Variants in CNN3 observed in about 807,000 individuals in gnomAD.
The protein encoded by CNN3 is calponin 3.
A neutral mutation model predicts 39.0 loss-of-function variants in CNN3; 11 were observed. The observed-to-expected ratio is 0.28, with a 90% CI of 0.18 to 0.47. CNN3 has a LOEUF of 0.47. CNN3 is among the 20% of genes least tolerant of loss of function. The pLI, the probability that CNN3 is intolerant of heterozygous loss-of-function variation, is 0.99. For missense variants in CNN3, 266 were observed against 403.4 expected, an observed-to-expected ratio of 0.66 and a Z score of 2.92; for synonymous variants, 101 against 138.3, an observed-to-expected ratio of 0.73 and a Z score of 1.89.
At chr1:94,925,899 T>C (rs1671563820) in intron 1 of CNN3, 5 of 844,970 alleles carry the variant, frequency 5.9e-6, no homozygotes, top group South Asian at 5.4e-5. Flanking sequence ...CCTGATGTCA[T>C]GGGCTTGGAA....
intron 1 of CNN3, chr1:94,925,669 C>A: frequency 2.0e-6 from 2 of 985,522 alleles, no homozygotes; most frequent in Non-Finnish European, 2.4e-6. Flanking sequence ...CCTACCCCCG[C>A]AGCCCCGGGA....
chr1:94,907,310 G>GT lies in CNN3; in HGVS notation c.58-3787dup, dbSNP rs554062513. Among the ~76,000 whole-genome samples the GT allele has an allele frequency of 3.1e-3, 471 of 152,286 alleles. 6 individuals are homozygous for GT. Among genetic ancestry groups the GT allele is most frequent in the African/African-American group, 0.01 (434 of 41,558 alleles). On this transcript the variant is annotated intron_variant, in intron 1 of 6. Coordinates refer to ENST00000370206, the MANE Select transcript of CNN3 (RefSeq NM_001839.5). ...TCCAAATACTTCGAATATTTTTCTA[G>GT]TAAGTGAGCTTTATGCAGTCAGGCC...
chr1:94,926,986 G>A lies in CNN3; in HGVS notation c.-92C>T. 1.4e-6 allele frequency: 2 copies of A among 1,405,232 alleles called. No homozygotes were observed. Among genetic ancestry groups the A allele is most frequent in the Admixed American group, 1.9e-5 (1 of 51,348 alleles). The allele number at this position is 1,405,232 out of a possible 1,614,324, so 87.0% of individuals were successfully genotyped here. On this transcript the variant is annotated 5_prime_UTR_variant, in exon 1 of 7. Transcript: ENST00000370206. This position sits in a 1 kb window ranked among gnomAD's most constrained non-coding sequence, Gnocchi z 4.2. Reference sequence around the variant, plus strand: ...CCTGGCCCCGAGGAGTGGCCGCCGCGGGGGATGCTCGAACTCCCTCCTCTG... The same window carrying A: ...CCTGGCCCCGAGGAGTGGCCGCCGCAGGGGATGCTCGAACTCCCTCCTCTG...
chr1:94,908,391 C>T (rs1671070069), intron 1 of CNN3, among the ~76,000 whole-genome samples: 1 of 152,216 alleles, frequency 6.6e-6, no homozygotes, highest in African/African-American at 2.4e-5. Flanking sequence ...GCCCTTAGAG[C>T]TTCCCTTGGC....
At chr1:94,924,928 T>A (rs963298629) in intron 1 of CNN3, among the ~76,000 whole-genome samples, 1 of 152,212 alleles carries the variant, frequency 6.6e-6, no homozygotes, top group Admixed American at 6.5e-5. Context: ...AAAATGGGTT[T>A]GGTGCTTAAA....
Position 94,917,582 on chromosome 1 carries a change from T to C in CNN3, c.57+9256A>G, listed in dbSNP as rs542922208. Among the ~76,000 whole-genome samples the C allele has an allele frequency of 5.9e-5, 9 of 152,308 alleles. No homozygotes were observed. The South Asian group carries it at 1.9e-3, about 32-fold the overall frequency. On this transcript the variant is annotated intron_variant, in intron 1 of 6. Coordinates refer to ENST00000370206, the MANE Select transcript of CNN3 (RefSeq NM_001839.5). ...GAACTAATTTTTTTGGAGAGCAATT[T>C]GGCAATATCAAAATACATTTAAATG...
At chr1:94,902,040 A>C (rs1186876994) in intron 4 of CNN3, 81 bp downstream of exon 4, 1 of 1,256,764 alleles carries the variant, frequency 8.0e-7, no homozygotes, top group African/African-American at 1.5e-5. Flanking sequence ...CCTGGTCTGA[A>C]CCCCCATGAA....
intron 4 of CNN3, 74 bp downstream of exon 4, chr1:94,902,047 T>C (rs951074957): frequency 1.5e-6 from 2 of 1,344,732 alleles, no homozygotes; most frequent in Admixed American, 1.7e-5. Context: ...TGAACCCCCA[T>C]GAAAAAGCAA....
intron 1 of CNN3, among the ~76,000 whole-genome samples, chr1:94,923,891 CATT>C (rs1335696143): frequency 6.6e-6 from 1 of 152,166 alleles, no homozygotes; most frequent in Non-Finnish European, 1.5e-5. Flanking sequence ...TGTTTTCCCC[CATT>C]CTACAGAACA....
intron 1 of CNN3, among the ~76,000 whole-genome samples, chr1:94,904,471 C>G (rs985274552): frequency 6.6e-6 from 1 of 152,156 alleles, no homozygotes; most frequent in Admixed American, 6.5e-5. Flanking sequence ...ACAGCTGAGG[C>G]AGGCATAGTG....
At chr1:94,911,595 CCT>C (rs1248755687) in intron 1 of CNN3, among the ~76,000 whole-genome samples, 1 of 151,984 alleles carries the variant, frequency 6.6e-6, no homozygotes, top group Non-Finnish European at 1.5e-5. Context: ...ATAGTGAGAC[CCT>C]GTCTCTACAA....
chr1:94,898,192 T>C, intron 6 of CNN3, 109 bp from the exon 7 acceptor site: 1 of 1,130,616 alleles, frequency 8.8e-7, no homozygotes, highest in Non-Finnish European at 1.2e-6. Context: ...ATACATGAAC[T>C]TTCATTTGGT....
chr1:94,927,051 G>T lies in CNN3; in HGVS notation c.-157C>A. The T allele has an allele frequency of 2.8e-6, 2 of 717,976 alleles. No homozygotes were observed. The highest frequency in any genetic ancestry group is 3.0e-5 in the East Asian group (1 of 33,006). 44.5% of individuals were successfully genotyped at this position (717,976 alleles called of 1,614,324 possible). On this transcript the variant is annotated 5_prime_UTR_variant, in exon 1 of 7. Transcript: ENST00000370206. ...CGGCCGCGGGGCGCGGGCGGTGCCT[G>T]GGCGACTGGGTCCAACTGGGTGCTA...
rs971636516 is a variant in CNN3 at position 94,897,607 on chromosome 1, C to T, written c.*135G>A. The T allele has an allele frequency of 3.9e-5, 30 of 769,858 alleles. No homozygotes were observed. Among genetic ancestry groups the T allele is most frequent in the African/African-American group, 1.9e-4 (11 of 56,704 alleles). The allele number at this position is 769,858 out of a possible 1,614,324, so 47.7% of individuals were successfully genotyped here. A position where few individuals can be genotyped will look rare whatever the true frequency, so the allele number is the denominator to read the frequency against. On this transcript the variant is annotated 3_prime_UTR_variant, in exon 7 of 7. Coordinates refer to ENST00000370206, the MANE Select transcript of CNN3 (RefSeq NM_001839.5). ...GGCAGAAAAAGGAAAAAGGAATGTA[C>T]GTAAGGCAATTTTTCTTAAAAGTAC...
intron 5 of CNN3, among the ~76,000 whole-genome samples, chr1:94,900,760 T>C (rs1023732085): frequency 1.3e-5 from 2 of 152,004 alleles, no homozygotes; most frequent in African/African-American, 2.4e-5. Context: ...AAGAGAACAA[T>C]GAAGAGAAGG....
rs570135454 is a variant in CNN3 at position 94,917,370 on chromosome 1, AT to A, written c.57+9467del. On this transcript the variant is annotated intron_variant, in intron 1 of 6. Transcript: ENST00000370206. ...CTGTTTAAAAAACTATTATCAAATAATTTGTGGAAAAAACGCCCTCATCCCA... is the reference window on the plus strand; with the variant it reads ...CTGTTTAAAAAACTATTATCAAATAATTGTGGAAAAAACGCCCTCATCCCA... 9.9e-5 allele frequency among the ~76,000 whole-genome samples: 15 copies of A among 152,236 alleles called. No individual in the cohort carries two copies. The South Asian group carries it at 2.5e-3, about 25-fold the overall frequency.
chr1:94,916,432 C>G (rs557746886), intron 1 of CNN3, among the ~76,000 whole-genome samples: 1 of 152,228 alleles, frequency 6.6e-6, no homozygotes, highest in South Asian at 2.1e-4. Flanking sequence ...GAGGACGATC[C>G]TGTCTCAAAC....
At chr1:94,924,151 A>T (rs1671518973) in intron 1 of CNN3, 1 of 152,238 alleles carries the variant, frequency 6.6e-6, no homozygotes, top group Admixed American at 6.5e-5. Flanking sequence ...AAACCACGCA[A>T]TGTCACTTTT....
At chr1:94,910,160 A>G (rs989752116) in intron 1 of CNN3, among the ~76,000 whole-genome samples, 6 of 152,110 alleles carry the variant, frequency 3.9e-5, no homozygotes, top group African/African-American at 1.4e-4. Flanking sequence ...AAACTCTCTA[A>G]GTAAACTCGT....
Sources: allele counts gnomAD v4.1 joint callset (sites outside exome capture counted in the v4.1 genomes callset), GRCh38; gene constraint gnomAD v4.1.1; non-coding constraint Gnocchi (gnomAD v3.1); transcripts MANE v1.5; gene names NCBI Gene and HGNC (gene_info 2026-07-23, HGNC 2026-07-21).